The following UBE3A variants were observed in gnomAD, a reference collection of about 807,000 sequenced individuals.
The protein encoded by UBE3A is ubiquitin protein ligase E3A, also known as ubiquitin-protein ligase E3A.
In UBE3A, 6 loss-of-function variants were observed where a neutral mutation model predicts 83.4. The ratio of observed to expected loss-of-function variants is 0.07; its 90% confidence interval spans 0.04 to 0.14. The LOEUF is 0.14. Ranked by LOEUF, UBE3A falls within the 10% of genes least tolerant of loss-of-function variation. The pLI is 1.00. For synonymous variants in UBE3A, 337 were observed against 355.4 expected (o/e 0.95, Z 0.58); for missense variants, 456 against 1,036.1 (o/e 0.44, Z 7.69).
chr15:25,367,223 A>G (rs148089259), intron 6 of UBE3A, among the ~76,000 whole-genome samples: 944 of 56,212 alleles, frequency 0.017, 11 homozygotes, highest in African/African-American at 0.11. Flanking sequence ...GTAAATATTT[A>G]CATATTTGTA....
Position 25,337,846 on chromosome 15 carries a change from G to A in UBE3A, c.*1291C>T, listed in dbSNP as rs2074081087. Reference sequence around the variant, plus strand: ...CAACATCACATACACAGAAGACTAGGAAAGGGGAAACTACTTACTTCTGGA... The same window carrying A: ...CAACATCACATACACAGAAGACTAGAAAAGGGGAAACTACTTACTTCTGGA... On this transcript the variant is annotated 3_prime_UTR_variant, in exon 13 of 13. Coordinates refer to ENST00000648336, the MANE Select transcript of UBE3A (RefSeq NM_130839.5). 6.6e-6 allele frequency: 1 copy of A among 152,108 alleles called. No homozygotes were observed. Among genetic ancestry groups the A allele is most frequent in the Admixed American group, 6.5e-5 (1 of 15,280 alleles). 9.4% of individuals were successfully genotyped at this position (152,108 alleles called of 1,614,324 possible).
At position 25,364,939 on chromosome 15, in the gene UBE3A, C is replaced by A. The variant is rs550881506; in HGVS notation, c.1609-4412G>T. Among the ~76,000 whole-genome samples, 8 of 152,152 alleles carry A rather than the reference C, an allele frequency of 5.3e-5. No individual in the cohort carries two copies. In the South Asian group the frequency reaches 1.7e-3, roughly 32 times the overall value. On this transcript the variant is annotated intron_variant, in intron 6 of 12. Transcript: ENST00000648336. ...GGGATTACAGGTGTGAGCCACCGCG[C>A]CAGGCCAATTTTTAGGTATATTTAA...
chr15:25,369,127 A>G (rs1190754016), intron 6 of UBE3A, among the ~76,000 whole-genome samples: 1 of 152,168 alleles, frequency 6.6e-6, no homozygotes, highest in African/African-American at 2.4e-5. Context: ...TCATTCTGCT[A>G]AACTATGTAA....
intron 1 of UBE3A, among the ~76,000 whole-genome samples, chr15:25,422,475 G>A (rs748136070): frequency 1.9e-4 from 29 of 151,864 alleles, no homozygotes; most frequent in Non-Finnish European, 4.1e-4. Flanking sequence ...AGAAAAAGGT[G>A]GCATTATCAG....
chr15:25,373,134 C>T (rs2080581884), intron 5 of UBE3A, among the ~76,000 whole-genome samples: 1 of 152,186 alleles, frequency 6.6e-6, no homozygotes, highest in African/African-American at 2.4e-5. Flanking sequence ...TCAGTAACCT[C>T]TTCCCCAAAA....
chr15:25,407,509 A>C (rs1189678529), intron 3 of UBE3A: 1 of 154,564 alleles, frequency 6.5e-6, no homozygotes, highest in African/African-American at 2.4e-5. Context: ...AATGATAACT[A>C]CATCTATCTT....
rs2088244954 is a variant in UBE3A, at chr15:25,405,320, T to C, written c.62+141A>G. On this transcript the variant is annotated intron_variant, in intron 4 of 12. Transcript: ENST00000648336. ...TAGAGTTATCTGATAGGAAAAAAAG[T>C]AGGTATGTTCCTATCTCCCATTTAC... 7 of 918,012 alleles carry C rather than the reference T, an allele frequency of 7.6e-6. No homozygotes were observed. The East Asian group carries it at 1.2e-4, about 16-fold the overall frequency. 56.9% of individuals were successfully genotyped at this position (918,012 alleles called of 1,614,324 possible). A position where few individuals can be genotyped will look rare whatever the true frequency, so the allele number is the denominator to read the frequency against.
chr15:25,410,106 C>T (rs1292024846), intron 2 of UBE3A, among the ~76,000 whole-genome samples: 1 of 151,796 alleles, frequency 6.6e-6, no homozygotes, highest in Non-Finnish European at 1.5e-5. Flanking sequence ...AACTAACCTG[C>T]ACATTGTGCA....
At chr15:25,345,566 TCACACACACACACA>T (rs57252199) in intron 11 of UBE3A, 1 of 148,288 alleles carries the variant, frequency 6.7e-6, no homozygotes, top group African/African-American at 2.5e-5. Context: ...CTCATTTCAC[TCACACACACACACA>T]CACACACACA....
chr15:25,374,911 A>G (rs1158557929), intron 5 of UBE3A: 2 of 153,532 alleles, frequency 1.3e-5, no homozygotes, highest in East Asian at 3.8e-4. Context: ...TTAGAAAACA[A>G]AAGACCTGAG....
At chr15:25,418,931 T>C (rs1888336715) in intron 1 of UBE3A, 1 of 152,106 alleles carries the variant, frequency 6.6e-6, no homozygotes, top group African/African-American at 2.4e-5. Context: ...ATGCTTCGAA[T>C]CCCTTATATA....
At chr15:25,408,322 G>C (rs928657378) in intron 3 of UBE3A, 79 of 432,534 alleles carry the variant, frequency 1.8e-4, no homozygotes, top group African/African-American at 1.6e-3. Flanking sequence ...CAAGTTGCTG[G>C]AAGTAAGAAT....
intron 4 of UBE3A, among the ~76,000 whole-genome samples, chr15:25,379,854 G>A (rs1049740839): frequency 6.6e-6 from 1 of 152,088 alleles, no homozygotes; most frequent in African/African-American, 2.4e-5. Flanking sequence ...ATAATAGTTT[G>A]TAACGTGAAA....
At chr15:25,410,862 T>G (rs115540880) in intron 2 of UBE3A, among the ~76,000 whole-genome samples, 1,547 of 152,280 alleles carry the variant, frequency 0.01, 26 homozygotes, top group African/African-American at 0.035. Flanking sequence ...CCACCTTCCC[T>G]AAAATAAACA....
intron 4 of UBE3A, among the ~76,000 whole-genome samples, chr15:25,376,108 G>A (rs1332421427): frequency 6.6e-6 from 1 of 152,150 alleles, no homozygotes. Flanking sequence ...TTACAGCTAA[G>A]AGTTGTAGGA....
chr15:25,334,029 A>T lies in UBE3A; in HGVS notation c.*5108T>A, dbSNP rs1300368392. ...GACTGAATGCTTTCCCCTTAAAATC[A>T]GGAACAAGAAAAAGATGTCTGCTCT... On this transcript the variant is annotated 3_prime_UTR_variant, in exon 13 of 13. Transcript: ENST00000648336. 1 of 152,144 alleles carries T rather than the reference A, an allele frequency of 6.6e-6. No individual in the cohort carries two copies. The highest frequency in any genetic ancestry group is 1.5e-5 in the Non-Finnish European group (1 of 68,026). 9.4% of individuals were successfully genotyped at this position (152,144 alleles called of 1,614,324 possible).
At chr15:25,357,363 C>G (rs190470892) in intron 7 of UBE3A, 1 of 157,520 alleles carries the variant, frequency 6.3e-6, no homozygotes, top group African/African-American at 2.4e-5. Flanking sequence ...TCATTTTTTT[C>G]CTTGAGATGG....
chr15:25,419,741 A>G (rs72697785), intron 1 of UBE3A, among the ~76,000 whole-genome samples: 7,759 of 152,220 alleles, frequency 0.051, 324 homozygotes, highest in African/African-American at 0.11. Context: ...TGTTAAGATC[A>G]TAATACCAAA....
intron 4 of UBE3A, among the ~76,000 whole-genome samples, chr15:25,394,138 T>C (rs927362530): frequency 1.3e-5 from 2 of 152,226 alleles, no homozygotes; most frequent in Non-Finnish European, 2.9e-5. Flanking sequence ...TACCAACCAG[T>C]ACCTATTCTA....
Sources: allele counts gnomAD v4.1 joint callset (sites outside exome capture counted in the v4.1 genomes callset), GRCh38; gene constraint gnomAD v4.1.1; transcripts MANE v1.5; gene names NCBI Gene and HGNC (gene_info 2026-07-23, HGNC 2026-07-21).